Variants in GALNT5 observed in about 807,000 individuals in gnomAD.
GALNT5 encodes UDP-GalNAc:polypeptide N-acetylgalactosaminyltransferase 5.
GALNT5 carries 72 observed loss-of-function variants against 85.4 expected under a neutral mutation model. The observed-to-expected ratio is 0.84, with a 90% CI of 0.70 to 1.03. The LOEUF (loss-of-function observed/expected upper bound fraction) is 1.03. GALNT5 is among the 50% of genes least tolerant of loss of function. The pLI is 0.00. For missense variants in GALNT5, 1,137 were observed against 1,135.5 expected (o/e 1.00, Z -0.02); for synonymous variants, 404 against 397.0 (o/e 1.02, Z -0.21).
At chr2:157,260,366 TG>T (rs1476860923) in intron 1 of GALNT5, among the ~76,000 whole-genome samples, 3 of 152,266 alleles carry the variant, frequency 2.0e-5, no homozygotes, top group Non-Finnish European at 1.5e-5. Context: ...GTTCTAAAGC[TG>T]CCCAATGGGC....
rs1361221350 is a variant in GALNT5, at chr2:157,317,174, G to GTGTA, written c.*5827_*5828insGTAT. ...TTTTGTAAATATACTGTATGTGTGT[G>GTGTA]TATATATATATATATATATATATAT... On this transcript the variant is annotated 3_prime_UTR_variant, in exon 10 of 10. Transcript: ENST00000259056. Among the ~76,000 whole-genome samples the GTGTA allele has an allele frequency of 1.8e-4, 25 of 139,322 alleles. No individual in the cohort carries two copies. The highest frequency in any genetic ancestry group is 3.4e-4 in the African/African-American group (13 of 37,952). 91.4% of individuals were successfully genotyped at this position (139,322 alleles called of 152,430 possible).
At chr2:157,307,304 A>G (rs1170165178) in intron 8 of GALNT5, among the ~76,000 whole-genome samples, 4 of 152,228 alleles carry the variant, frequency 2.6e-5, no homozygotes, top group Non-Finnish European at 5.9e-5. Flanking sequence ...CTTAATACCA[A>G]GCCAGTGACT....
chr2:157,286,388 T>C (rs1431393953), intron 3 of GALNT5, among the ~76,000 whole-genome samples: 1 of 152,222 alleles, frequency 6.6e-6, no homozygotes, highest in Admixed American at 6.5e-5. Context: ...AGTACTTCAG[T>C]GGGCAGCTCT....
At chr2:157,286,690 A>G (rs971613774) in intron 3 of GALNT5, among the ~76,000 whole-genome samples, 1 of 152,198 alleles carries the variant, frequency 6.6e-6, no homozygotes. Flanking sequence ...TTTTTAATAG[A>G]GACGGGGTTT....
chr2:157,260,837 A>G (rs1305572994), intron 1 of GALNT5, among the ~76,000 whole-genome samples: 1 of 152,198 alleles, frequency 6.6e-6, no homozygotes, highest in Non-Finnish European at 1.5e-5. Context: ...TCAGCCATGC[A>G]CTGCTTATAC....
Position 157,300,794 on chromosome 2 carries a change from T to A in GALNT5, c.2234T>A (p.Leu745Ter). The A allele has an allele frequency of 6.2e-7, 1 of 1,614,142 alleles. No homozygotes were observed. The highest frequency in any genetic ancestry group is 8.5e-7 in the Non-Finnish European group (1 of 1,180,000). ...CGGATGAAGACAGTGGAGCGGAACT[T>A]GGTGCGGGTTGCCGAGGTCTGGCTG... Reference protein sequence around the residue: ...KDRMKTVERNLVRVAEVWLDE... With the variant: ...KDRMKTVERN The change falls in exon 7 of 10, where the codon TTG becomes TAG. Residue 745 changes from leucine to a stop codon, truncating the protein, a stop_gained. Coordinates refer to ENST00000259056, the MANE Select transcript of GALNT5 (RefSeq NM_014568.3). LOFTEE classifies it high-confidence loss of function.
rs1295042766 is a variant in GALNT5, at chr2:157,315,834, G to A, written c.*4486G>A. Among the ~76,000 whole-genome samples the A allele has an allele frequency of 2.6e-5, 4 of 152,182 alleles. No homozygotes were observed. The highest frequency in any genetic ancestry group is 9.7e-5 in the African/African-American group (4 of 41,448). On this transcript the variant is annotated 3_prime_UTR_variant, in exon 10 of 10. Coordinates refer to ENST00000259056, the MANE Select transcript of GALNT5 (RefSeq NM_014568.3). ...GAATTCAGGACACAGACACACATGA[G>A]GAGTGGGTTTAGGAGTGGAAAGTTT...
intron 1 of GALNT5, among the ~76,000 whole-genome samples, chr2:157,277,821 A>G (rs1682768304): frequency 1.3e-5 from 2 of 152,286 alleles, no homozygotes; most frequent in South Asian, 2.1e-4. Flanking sequence ...GCCCATTTAC[A>G]TTTAAGATTG....
At chr2:157,281,974 A>AT (rs1018403751) in intron 1 of GALNT5, among the ~76,000 whole-genome samples, 5 of 152,366 alleles carry the variant, frequency 3.3e-5, no homozygotes, top group Admixed American at 3.3e-4. Context: ...GTTAAGCAGA[A>AT]TTTTCAGTAA....
intron 8 of GALNT5, among the ~76,000 whole-genome samples, chr2:157,306,688 C>T (rs142338738): frequency 6.6e-6 from 1 of 152,278 alleles, no homozygotes; most frequent in Non-Finnish European, 1.5e-5. Flanking sequence ...GTAATCTAGG[C>T]TTGTTAAGTC....
chr2:157,283,037 A>G (rs1682890681), intron 1 of GALNT5, among the ~76,000 whole-genome samples: 1 of 152,220 alleles, frequency 6.6e-6, no homozygotes, highest in Non-Finnish European at 1.5e-5. Flanking sequence ...CTCTCACAAA[A>G]TGTCGCATCT....
intron 1 of GALNT5, among the ~76,000 whole-genome samples, chr2:157,267,301 C>T (rs899662836): frequency 6.6e-6 from 1 of 152,154 alleles, no homozygotes. Context: ...GTCCAGATCA[C>T]TCAGGACCTT....
intron 7 of GALNT5, 119 bp downstream of exon 7, chr2:157,301,118 G>A (rs1194629710): frequency 1.4e-6 from 1 of 716,986 alleles, no homozygotes; most frequent in Non-Finnish European, 2.3e-6. Context: ...TATGAGCAAA[G>A]ATGGGACAAA....
intron 1 of GALNT5, among the ~76,000 whole-genome samples, chr2:157,275,477 C>T (rs537521172): frequency 2.6e-5 from 4 of 152,242 alleles, no homozygotes; most frequent in East Asian, 1.9e-4. Flanking sequence ...GAATATTCTT[C>T]GATTTGTTTG....
intron 1 of GALNT5, among the ~76,000 whole-genome samples, chr2:157,269,307 T>C (rs940700246): frequency 2.0e-4 from 30 of 152,302 alleles, no homozygotes; most frequent in African/African-American, 7.2e-4. Flanking sequence ...TCTCTGTAAA[T>C]GTCAGAGTGC....
chr2:157,293,544 A>G (rs994085769), intron 3 of GALNT5, among the ~76,000 whole-genome samples: 1 of 152,198 alleles, frequency 6.6e-6, no homozygotes, highest in African/African-American at 2.4e-5. Context: ...ATTGTCAAAC[A>G]AGCATTAATG....
intron 2 of GALNT5, 137 bp downstream of exon 2, chr2:157,284,585 G>C: frequency 1.5e-6 from 1 of 673,526 alleles, no homozygotes; most frequent in Non-Finnish European, 2.6e-6. Context: ...TTTACGTGGA[G>C]CCTCAGAGAC....
At position 157,284,417 on chromosome 2, in the gene GALNT5, G is replaced by C. The variant is rs1475044053; in HGVS notation, c.1590G>C (p.Glu530Asp). The change falls in exon 2 of 10, where the codon GAG (glutamate) becomes GAC (aspartate). Residue 530 changes from glutamate to aspartate, a missense_variant. By Grantham distance (45) the Glu-to-Asp change is conservative. Coordinates refer to ENST00000259056, the MANE Select transcript of GALNT5 (RefSeq NM_014568.3). ...GCTCTCCTCCACACCTCATCAAGGA[G>C]ATTCTGCTGGTAGATGACTTCAGCA... ...INRSPPHLIK[E>D]ILLVDDFSTK... The C allele has an allele frequency of 3.7e-6, 6 of 1,613,910 alleles. No individual in the cohort carries two copies. The highest frequency in any genetic ancestry group is 1.3e-5 in the African/African-American group (1 of 74,938).
intron 1 of GALNT5, among the ~76,000 whole-genome samples, chr2:157,263,642 C>T (rs191196866): frequency 3.5e-4 from 53 of 152,322 alleles, no homozygotes; most frequent in Non-Finnish European, 1.5e-5. Flanking sequence ...GATCACAGTG[C>T]TGTACATTCA....
Sources: gnomAD v4.1 joint callset for allele counts (sites outside exome capture counted in the v4.1 genomes callset) on GRCh38, gnomAD v4.1.1 for gene constraint, MANE v1.5 for transcripts, NCBI Gene and HGNC (gene_info 2026-07-23, HGNC 2026-07-21) for gene names.